The following MIER1 variants were observed in gnomAD, a reference collection of about 807,000 sequenced individuals.
MIER1 encodes mesoderm induction early response protein 1.
Under a neutral mutation model 75.7 loss-of-function variants are expected in MIER1, and 40 were observed. That is an observed-to-expected ratio of 0.53 (90% CI 0.41 to 0.69). The LOEUF (loss-of-function observed/expected upper bound fraction) is 0.69, where lower values mean the gene tolerates loss of function less well. MIER1 is among the 30% of genes least tolerant of loss of function. The pLI is 0.00. For synonymous variants in MIER1, 213 were observed against 223.4 expected, an observed-to-expected ratio of 0.95 and a Z score of 0.42; for missense variants, 574 against 680.2, an observed-to-expected ratio of 0.84 and a Z score of 1.74.
intron 10 of MIER1, among the ~76,000 whole-genome samples, chr1:66,972,235 C>CACATATATAT (rs1663790788): frequency 3.1e-5 from 2 of 63,708 alleles, no homozygotes; most frequent in African/African-American, 1.8e-4. Context: ...ATATACACTA[C>CACATATATAT]ATATATATAT....
chr1:66,930,327 A>G (rs1263390780), intron 2 of MIER1: 23 of 1,596,106 alleles, frequency 1.4e-5, no homozygotes, highest in Non-Finnish European at 1.9e-5. Flanking sequence ...TGAGTCTCAC[A>G]TCCGGGTTCT....
Position 66,958,092 on chromosome 1 carries a change from C to G in MIER1, c.373C>G (p.Leu125Val). ...GDMPIHELLS[L>V]YGYGSTVRLP... ...CATGCCAATTCATGAACTTCTCAGC[C>G]TTTATGGTTATGGTAGTACTGTTCG... Residue 125 changes from leucine to valine, a missense_variant, in exon 5 of 14, where the codon CTT becomes GTT. Leu to Val is a conservative substitution (Grantham distance 32). Around this residue, in one of 3 missense-constraint regions of MIER1, gnomAD observed 309 missense variants for 352.8 expected, o/e 0.88. Coordinates refer to ENST00000401041, the MANE Select transcript of MIER1 (RefSeq NM_001077700.3). 6.2e-7 allele frequency: 1 copy of G among 1,607,298 alleles called. No individual in the cohort carries two copies. The highest frequency in any genetic ancestry group is 8.5e-7 in the Non-Finnish European group (1 of 1,176,324).
At chr1:66,928,482 G>T (rs1192294043) in intron 2 of MIER1, among the ~76,000 whole-genome samples, 1 of 152,046 alleles carries the variant, frequency 6.6e-6, no homozygotes, top group Non-Finnish European at 1.5e-5. Flanking sequence ...TATGTTAATG[G>T]AAAACCCTCC....
rs768494786 is a variant in MIER1 at position 66,926,260 on chromosome 1, T to C, written c.168+18T>C. On this transcript the variant is annotated intron_variant, in intron 2 of 13. Coordinates refer to ENST00000401041, the MANE Select transcript of MIER1 (RefSeq NM_001077700.3). ...TGATGCTGGTAGGCAGGGGTACACT[T>C]GGAGATTAAGGGAGGGAAAATCCAA... The C allele has an allele frequency of 1.3e-6, 2 of 1,572,528 alleles. No individual in the cohort carries two copies. The highest frequency in any genetic ancestry group is 1.8e-6 in the Non-Finnish European group (2 of 1,142,306).
chr1:66,961,876 A>T (rs1326544891), intron 7 of MIER1, among the ~76,000 whole-genome samples: 1 of 152,236 alleles, frequency 6.6e-6, no homozygotes, highest in Non-Finnish European at 1.5e-5. Flanking sequence ...AAAACTGATC[A>T]TGAGAAAGAT....
intron 8 of MIER1, among the ~76,000 whole-genome samples, chr1:66,964,448 C>CTTTTTTTT (rs71058483): frequency 1.7e-5 from 2 of 119,800 alleles, no homozygotes; most frequent in African/African-American, 3.2e-5. Flanking sequence ...TGTATGTTTC[C>CTTTTTTTT]TTTTTTTTTT....
At chr1:66,930,704 C>T (rs978364773) in intron 2 of MIER1, among the ~76,000 whole-genome samples, 3 of 152,054 alleles carry the variant, frequency 2.0e-5, no homozygotes, top group African/African-American at 7.2e-5. Flanking sequence ...TGTGGCGCAA[C>T]TTCGCCGGCC....
chr1:66,952,811 CTTTTTGTATT>C (rs562193867), intron 4 of MIER1, among the ~76,000 whole-genome samples: 193 of 152,172 alleles, frequency 1.3e-3, no homozygotes, highest in East Asian at 5.4e-3. Context: ...CCAGCTAATT[CTTTTTGTATT>C]TTTTACATGG....
intron 4 of MIER1, among the ~76,000 whole-genome samples, chr1:66,953,705 G>A (rs1402054344): frequency 6.6e-6 from 1 of 151,516 alleles, no homozygotes; most frequent in African/African-American, 2.4e-5. Flanking sequence ...CTGGGTTCAA[G>A]CAGTTCTCCT....
At chr1:66,979,008 G>A (rs895759763) in intron 12 of MIER1, among the ~76,000 whole-genome samples, 19 of 152,164 alleles carry the variant, frequency 1.2e-4, no homozygotes, top group Admixed American at 8.5e-4. Flanking sequence ...TGGTCACCTG[G>A]TATAATGGTA....
intron 11 of MIER1, among the ~76,000 whole-genome samples, chr1:66,974,375 GA>G (rs1229718273): frequency 1.3e-5 from 2 of 151,284 alleles, no homozygotes; most frequent in South Asian, 4.2e-4. Flanking sequence ...GATTAAAAAA[GA>G]AAAAAGTTCG....
intron 6 of MIER1, among the ~76,000 whole-genome samples, 169 bp from the exon 7 acceptor site, chr1:66,959,510 T>G (rs1660816837): frequency 6.6e-6 from 1 of 152,150 alleles, no homozygotes; most frequent in African/African-American, 2.4e-5. Context: ...TTTTTTGGTT[T>G]TGTTTTTTTA....
chr1:66,987,945 T>A lies in MIER1; in HGVS notation c.*3045T>A, dbSNP rs1196731250. 6.6e-6 allele frequency: 1 copy of A among 152,298 alleles called. No individual in the cohort carries two copies. The allele number at this position is 152,298 out of a possible 1,614,324, so 9.4% of individuals were successfully genotyped here. ...TCTGTTTCTCTTCTGCTGGATTATA[T>A]AATTTAAAAATAATGTGTTCCCGTA... On this transcript the variant is annotated 3_prime_UTR_variant, in exon 14 of 14. Coordinates refer to ENST00000401041, the MANE Select transcript of MIER1 (RefSeq NM_001077700.3).
chr1:66,961,846 G>T (rs1459737224), intron 7 of MIER1, among the ~76,000 whole-genome samples: 1 of 152,226 alleles, frequency 6.6e-6, no homozygotes, highest in East Asian at 1.9e-4. Context: ...AAAATTTGTT[G>T]TAAGTTTGAT....
Position 66,940,045 on chromosome 1 carries a change from A to T in MIER1, c.186A>T (p.Ser62=), listed in dbSNP as rs1187220752. The change falls in exon 3 of 14, where the codon TCA becomes TCT. Residue 62 remains serine, a synonymous_variant. Coordinates refer to ENST00000401041, the MANE Select transcript of MIER1 (RefSeq NM_001077700.3). ...CTTCTCAGCCATCTGTTGAATCTTC[A>T]AGTCCAGGTAAGTATTTTCCATATT... The part of the protein sequence containing the change: ...TDVMLPSVES[S]SPGGSATSDD... 1.2e-6 allele frequency: 2 copies of T among 1,604,324 alleles called. No individual in the cohort carries two copies. The highest frequency in any genetic ancestry group is 1.7e-6 in the Non-Finnish European group (2 of 1,172,162).
At position 66,946,174 on chromosome 1, in the gene MIER1, A is replaced by G. The variant is rs1657590055; in HGVS notation, c.218A>G (p.His73Arg). 2 of 1,610,268 alleles carry G rather than the reference A, an allele frequency of 1.2e-6. No individual in the cohort carries two copies. Among genetic ancestry groups the G allele is most frequent in the Non-Finnish European group, 8.5e-7 (1 of 1,179,250 alleles). Residue 73 changes from histidine (H) to arginine (R), a missense_variant, in exon 4 of 14, where the codon CAT (histidine) becomes CGT (arginine). By Grantham distance (29) the His-to-Arg change is conservative (BLOSUM62 0). Around this residue, in one of 3 missense-constraint regions of MIER1, gnomAD observed 309 missense variants for 352.8 expected, o/e 0.88. Coordinates refer to ENST00000401041, the MANE Select transcript of MIER1 (RefSeq NM_001077700.3). ...SPGGSATSDDHEFDPSADMLV... is the reference protein window; with the variant it reads ...SPGGSATSDDREFDPSADMLV... ...GGAGGTTCAGCAACATCAGATGACC[A>G]TGAATTTGATCCATCAGCTGACATG...
intron 4 of MIER1, 77 bp from the exon 5 acceptor site, chr1:66,957,982 C>A: frequency 1.1e-6 from 1 of 872,846 alleles, no homozygotes; most frequent in Non-Finnish European, 1.7e-6. Flanking sequence ...ATGAATACTC[C>A]ACAGATTTGT....
At position 66,957,504 on chromosome 1, in the gene MIER1, T is replaced by C. The variant is rs555950626; in HGVS notation, c.340-555T>C. Among the ~76,000 whole-genome samples, 48 of 152,082 alleles carry C rather than the reference T, an allele frequency of 3.2e-4. 1 individual carries two copies. Among genetic ancestry groups the C allele is most frequent in the Admixed American group, 1.6e-3 (25 of 15,270 alleles). On this transcript the variant is annotated intron_variant, in intron 4 of 13. Transcript: ENST00000401041. ...AAGGATTTCATGAGATGATTTTATATGTAAATGGAGATAACCATAGAGAAG... is the reference window on the plus strand; with the variant it reads ...AAGGATTTCATGAGATGATTTTATACGTAAATGGAGATAACCATAGAGAAG...
Position 66,959,061 on chromosome 1 carries a change from T to C in MIER1, c.634+78T>C, listed in dbSNP as rs1179553342. The C allele has an allele frequency of 2.7e-5, 33 of 1,211,140 alleles. No individual in the cohort carries two copies. The South Asian group carries it at 4.4e-4, about 16-fold the overall frequency. The allele number at this position is 1,211,140 out of a possible 1,614,324, so 75.0% of individuals were successfully genotyped here. A position where few individuals can be genotyped will look rare whatever the true frequency, so the allele number is the denominator to read the frequency against. Reference sequence around the variant, plus strand: ...TTACCTAAAATCCTCTTTTTTAAACTGGTCTTTGAATTCATTTAGTCTGAA... The same window carrying C: ...TTACCTAAAATCCTCTTTTTTAAACCGGTCTTTGAATTCATTTAGTCTGAA... On this transcript the variant is annotated intron_variant, in intron 6 of 13. Transcript: ENST00000401041.
Sources: gnomAD v4.1 joint callset for allele counts (sites outside exome capture counted in the v4.1 genomes callset) on GRCh38, gnomAD v4.1.1 for gene constraint, gnomAD v4.1.1 regional missense constraint, MANE v1.5 for transcripts, NCBI Gene and HGNC (gene_info 2026-07-23, HGNC 2026-07-21) for gene names.